The following SYNE1 variants were observed in gnomAD, a reference collection of about 807,000 sequenced individuals.
SYNE1 encodes spectrin repeat containing nuclear envelope protein 1, also known as nesprin-1.
Under a neutral mutation model 1,111.0 loss-of-function variants are expected in SYNE1, and 616 were observed. That is an observed-to-expected ratio of 0.55 (90% CI 0.52 to 0.59). The LOEUF (loss-of-function observed/expected upper bound fraction) is 0.59. Ranked by LOEUF, SYNE1 falls within the 20% of genes least tolerant of loss-of-function variation. SYNE1 has a pLI of 0.00. For synonymous variants in SYNE1, 3,855 were observed against 3,825.8 expected (o/e 1.01, Z -0.28); for missense variants, 10,006 against 10,417.0 (o/e 0.96, Z 1.72).
At chr6:152,372,128 T>A (rs892045200) in intron 59 of SYNE1, among the ~76,000 whole-genome samples, 2 of 152,134 alleles carry the variant, frequency 1.3e-5, no homozygotes, top group African/African-American at 2.4e-5. Flanking sequence ...ATGCTAAATA[T>A]GCTACACTCA....
intron 51 of SYNE1, among the ~76,000 whole-genome samples, chr6:152,394,690 T>G (rs2097702850): frequency 6.6e-6 from 1 of 151,750 alleles, no homozygotes; most frequent in African/African-American, 2.4e-5. Flanking sequence ...TTTATTAAGA[T>G]TACAAGGATG....
At chr6:152,208,318 G>A (rs1313637518) in intron 124 of SYNE1, 112 bp from the exon 125 acceptor site, 1 of 979,814 alleles carries the variant, frequency 1.0e-6, no homozygotes, top group Admixed American at 2.0e-5. Context: ...GTGATCTAGG[G>A]CGGTGGTTTT....
intron 73 of SYNE1, among the ~76,000 whole-genome samples, chr6:152,346,638 G>A (rs111407223): frequency 0.027 from 4,028 of 151,920 alleles, 190 homozygotes; most frequent in African/African-American, 0.091. Flanking sequence ...GTGAAACCCC[G>A]TCTCTACTAA....
At position 152,455,876 on chromosome 6, in the gene SYNE1, A is replaced by G; in HGVS notation, c.2727+10T>C. 6.2e-7 allele frequency: 1 copy of G among 1,613,984 alleles called. No individual in the cohort carries two copies. Among genetic ancestry groups the G allele is most frequent in the Non-Finnish European group, 8.5e-7 (1 of 1,179,934 alleles). On this transcript the variant is annotated intron_variant, in intron 23 of 145. Coordinates refer to ENST00000367255, the MANE Select transcript of SYNE1 (RefSeq NM_182961.4). ...TGGCTCACAGCTCTAAAGCAGGGAGAGCAAATTACCTGAAAAGCAACATGA... is the reference window on the plus strand; with the variant it reads ...TGGCTCACAGCTCTAAAGCAGGGAGGGCAAATTACCTGAAAAGCAACATGA...
At chr6:152,559,169 A>C (rs1242047506) in intron 3 of SYNE1, among the ~76,000 whole-genome samples, 1 of 152,098 alleles carries the variant, frequency 6.6e-6, no homozygotes, top group Non-Finnish European at 1.5e-5. Context: ...AGTGGCACTC[A>C]CTGTAGCCTA....
At position 152,255,005 on chromosome 6, in the gene SYNE1, C is replaced by T; in HGVS notation, c.19345G>A (p.Asp6449Asn). 6.2e-7 allele frequency: 1 copy of T among 1,613,828 alleles called. No individual in the cohort carries two copies. The highest frequency in any genetic ancestry group is 8.5e-7 in the Non-Finnish European group (1 of 1,179,856). Residue 6449 changes from aspartate (D) to asparagine (N), a missense_variant, in exon 104 of 146, where the codon GAT becomes AAT. By Grantham distance (23) the Asp-to-Asn change is conservative. Around this residue, in one of 7 missense-constraint regions of SYNE1, gnomAD observed 2,182 missense variants for 2,287.8 expected, o/e 0.95. Coordinates refer to ENST00000367255, the MANE Select transcript of SYNE1 (RefSeq NM_182961.4). ...GTATCTTCAATAACATCTCGATTAT[C>T]ACCATTCTCTGGAAAAGCTTGGGAA... ...LFSQAFPENG[D>N]NRDVIEDTLG...
At position 152,428,095 on chromosome 6, in the gene SYNE1, C is replaced by G; in HGVS notation, c.4976+110G>C. The G allele has an allele frequency of 2.8e-6, 4 of 1,452,344 alleles. No individual in the cohort carries two copies. In the South Asian group the frequency reaches 4.6e-5, roughly 17 times the overall value. 90.0% of individuals were successfully genotyped at this position (1,452,344 alleles called of 1,614,324 possible). ...TCAAGAGTTTCCTACAGTAGACCCA[C>G]AAGTTCACGTCTTTTGCATCTGGGA... On this transcript the variant is annotated intron_variant, in intron 37 of 145. Transcript: ENST00000367255.
intron 130 of SYNE1, chr6:152,168,462 T>C (rs928817272): frequency 4.6e-5 from 21 of 453,662 alleles, no homozygotes; most frequent in African/African-American, 3.7e-4. Flanking sequence ...AAAAGCTCAG[T>C]GTAATCTGTA....
rs372136287 is a variant in SYNE1, at chr6:152,231,994, A to G, written c.20862+122T>C. ...GCATTTTTCTTGCTATTGAATTCCTATCTGGTCACTGTGTAGGAAACATAC... is the reference window on the plus strand; with the variant it reads ...GCATTTTTCTTGCTATTGAATTCCTGTCTGGTCACTGTGTAGGAAACATAC... On this transcript the variant is annotated intron_variant, in intron 113 of 145. Coordinates refer to ENST00000367255, the MANE Select transcript of SYNE1 (RefSeq NM_182961.4). 1,527 of 717,740 alleles carry G rather than the reference A, an allele frequency of 2.1e-3. 32 individuals carry two copies. In the South Asian group the frequency reaches 0.026, roughly 12 times the overall value. The allele number at this position is 717,740 out of a possible 1,614,324, so 44.5% of individuals were successfully genotyped here. A position where few individuals can be genotyped will look rare whatever the true frequency, so the allele number is the denominator to read the frequency against.
Position 152,463,409 on chromosome 6 carries a change from G to T in SYNE1, c.2041C>A (p.Gln681Lys). The change falls in exon 19 of 146, where the codon CAG becomes AAG. Residue 681 changes from glutamine (Q) to lysine (K), a missense_variant. Coordinates refer to ENST00000367255, the MANE Select transcript of SYNE1 (RefSeq NM_182961.4). ...CGCCCATTTAGCAACAGTAATTGCT[G>T]CTTCAGGTCACGGGAAACCATCTCA... ...CDEMVSRDLK[Q>K]QLLLLNGRWR... 6.2e-7 allele frequency: 1 copy of T among 1,613,782 alleles called. No individual in the cohort carries two copies. Among genetic ancestry groups the T allele is most frequent in the Non-Finnish European group, 8.5e-7 (1 of 1,179,798 alleles).
intron 128 of SYNE1, among the ~76,000 whole-genome samples, chr6:152,180,538 T>C (rs2153183001): frequency 6.6e-6 from 1 of 151,292 alleles, no homozygotes; most frequent in South Asian, 2.1e-4. Flanking sequence ...CTTCACACAA[T>C]TGGTTCAGGA....
chr6:152,322,560 A>G (rs1024201216), intron 82 of SYNE1, among the ~76,000 whole-genome samples: 1 of 152,150 alleles, frequency 6.6e-6, no homozygotes, highest in African/African-American at 2.4e-5. Context: ...GATGGCTATT[A>G]TTTACCTGGA....
intron 3 of SYNE1, among the ~76,000 whole-genome samples, chr6:152,594,448 T>G (rs934110743): frequency 6.6e-6 from 1 of 152,206 alleles, no homozygotes; most frequent in Non-Finnish European, 1.5e-5. Context: ...TATCCAAAGA[T>G]GGACAGGGAA....
intron 3 of SYNE1, among the ~76,000 whole-genome samples, chr6:152,623,046 C>T (rs372212013): frequency 1.3e-5 from 2 of 151,826 alleles, no homozygotes; most frequent in Admixed American, 6.6e-5. Flanking sequence ...AAAGCCAAGG[C>T]GTCCTAAGCA....
intron 135 of SYNE1, among the ~76,000 whole-genome samples, chr6:152,150,803 A>T (rs1486221873): frequency 2.0e-5 from 3 of 152,232 alleles, no homozygotes; most frequent in Non-Finnish European, 4.4e-5. Flanking sequence ...GCATCTAAGA[A>T]TGCAGACTAT....
At chr6:152,500,089 T>C (rs2099021133) in intron 10 of SYNE1, among the ~76,000 whole-genome samples, 1 of 152,212 alleles carries the variant, frequency 6.6e-6, no homozygotes, top group African/African-American at 2.4e-5. Context: ...TCAGAGACTC[T>C]AAAACAGTAA....
chr6:152,178,299 T>C (rs1456297206), intron 129 of SYNE1, among the ~76,000 whole-genome samples: 1 of 152,056 alleles, frequency 6.6e-6, no homozygotes, highest in Non-Finnish European at 1.5e-5. Flanking sequence ...CTATAGCAAA[T>C]TTTACTCTAC....
At chr6:152,206,110 G>A (rs1044626967) in intron 126 of SYNE1, 58 bp downstream of exon 126, 59 of 1,477,904 alleles carry the variant, frequency 4.0e-5, no homozygotes, top group Non-Finnish European at 5.4e-5. Context: ...AACAATGGGA[G>A]GAAGTAGTAC....
At chr6:152,530,814 G>A (rs1252398002) in intron 4 of SYNE1, among the ~76,000 whole-genome samples, 3 of 151,802 alleles carry the variant, frequency 2.0e-5, no homozygotes, top group Non-Finnish European at 2.9e-5. Context: ...TAGTAGACAC[G>A]GGGTTTCACC....
Sources: gnomAD v4.1 joint callset for allele counts (sites outside exome capture counted in the v4.1 genomes callset) on GRCh38, gnomAD v4.1.1 for gene constraint, gnomAD v4.1.1 regional missense constraint, MANE v1.5 for transcripts, NCBI Gene and HGNC (gene_info 2026-07-23, HGNC 2026-07-21) for gene names.